DPH6: variants seen among roughly 807,000 people sequenced by gnomAD.
DPH6 encodes the protein diphthamine biosynthesis 6.
In DPH6, 33 loss-of-function variants were observed where a neutral mutation model predicts 38.2. The observed-to-expected ratio is 0.86, with a 90% CI of 0.65 to 1.15. The LOEUF (loss-of-function observed/expected upper bound fraction) is 1.15. Among genes scored for constraint, DPH6 ranks in the 50% most tolerant of loss-of-function variants. DPH6 has a pLI of 0.00. For missense variants in DPH6, 325 were observed against 320.0 expected (o/e 1.02, Z -0.12); for synonymous variants, 108 against 103.0 (o/e 1.05, Z -0.30).
chr15:35,333,252 G>A (rs2052341457), intron 3 of DPH6, among the ~76,000 whole-genome samples: 1 of 152,146 alleles, frequency 6.6e-6, no homozygotes, highest in African/African-American at 2.4e-5. Context: ...CAATGACCAC[G>A]TAAAATAACA....
At chr15:35,364,131 G>C (rs1369707476) in intron 3 of DPH6, among the ~76,000 whole-genome samples, 1 of 151,656 alleles carries the variant, frequency 6.6e-6, no homozygotes, top group Non-Finnish European at 1.5e-5. Flanking sequence ...ATCCTTTGGT[G>C]TGGATATTTT....
At position 35,221,703 on chromosome 15, in the gene DPH6, T is replaced by A. The variant is rs2051444211; in HGVS notation, n.201-1121A>T. The stretch of plus-strand genomic sequence containing the variant: ...TTCCTTCTATCCATACTAATCCCAT[T>A]ATCAAAGGGTAGCTTGGCTACCCCG... On this transcript the variant is annotated intron_variant and non_coding_transcript_variant, in intron 3 of 3. Coordinates refer to the DPH6 transcript ENST00000560386. 2.0e-5 allele frequency among the ~76,000 whole-genome samples: 3 copies of A among 152,212 alleles called. No homozygotes were observed. In the South Asian group the frequency reaches 6.2e-4, roughly 32 times the overall value.
chr15:35,381,685 T>C, intron 7 of DPH6, 137 bp downstream of exon 7: 1 of 686,008 alleles, frequency 1.5e-6, no homozygotes, highest in Non-Finnish European at 2.6e-6. Flanking sequence ...TTCACTGGTA[T>C]TAAACAAATT....
At chr15:35,387,454 T>C (rs912820354) in intron 6 of DPH6, among the ~76,000 whole-genome samples, 8 of 152,218 alleles carry the variant, frequency 5.3e-5, no homozygotes, top group African/African-American at 1.2e-4. Flanking sequence ...TTTCACGATA[T>C]TGATTCTTCC....
At chr15:35,238,799 T>A (rs1246007196) in intron 3 of DPH6, among the ~76,000 whole-genome samples, 1 of 151,652 alleles carries the variant, frequency 6.6e-6, no homozygotes, top group Non-Finnish European at 1.5e-5. Flanking sequence ...TTTAACTGAG[T>A]GATTAACCCT....
chr15:35,256,821 G>T (rs1281964979), intron 3 of DPH6, among the ~76,000 whole-genome samples: 5 of 152,158 alleles, frequency 3.3e-5, no homozygotes, highest in African/African-American at 1.2e-4. Flanking sequence ...TTAGTTCGGG[G>T]TCAATGAGCA....
At chr15:35,207,428 T>C in the DPH6 span, among the ~76,000 whole-genome samples, 3 of 152,144 alleles carry the variant, frequency 2.0e-5, no homozygotes, top group Non-Finnish European at 4.4e-5. Flanking sequence ...TGTACTCACT[T>C]AGCACCTCCA....
the DPH6 span, among the ~76,000 whole-genome samples, chr15:35,148,528 T>A: frequency 1.3e-5 from 2 of 152,212 alleles, no homozygotes; most frequent in Non-Finnish European, 2.9e-5. Flanking sequence ...TATTCACAAT[T>A]AGAAACCTAA....
the DPH6 span, among the ~76,000 whole-genome samples, chr15:35,164,118 A>C: frequency 6.6e-6 from 1 of 151,842 alleles, no homozygotes; most frequent in Non-Finnish European, 1.5e-5. Flanking sequence ...CTCACAGTAG[A>C]TGTAATTACT....
chr15:35,504,209 C>A (rs1186549141), intron 3 of DPH6, among the ~76,000 whole-genome samples: 1 of 151,980 alleles, frequency 6.6e-6, no homozygotes, highest in Admixed American at 6.6e-5. Context: ...AACTCCTCAG[C>A]AAGGCACACA....
chr15:35,209,695 T>C, the DPH6 span, among the ~76,000 whole-genome samples: 1 of 152,170 alleles, frequency 6.6e-6, no homozygotes, highest in African/African-American at 2.4e-5. Flanking sequence ...ACTTATTGCA[T>C]TGGGGAATTA....
At chr15:35,413,647 T>G (rs1358387898) in intron 5 of DPH6, among the ~76,000 whole-genome samples, 1 of 151,568 alleles carries the variant, frequency 6.6e-6, no homozygotes, top group East Asian at 1.9e-4. Context: ...CATTATTTGT[T>G]CTCAAATTTT....
chr15:35,177,688 C>G, the DPH6 span, among the ~76,000 whole-genome samples: 1 of 150,972 alleles, frequency 6.6e-6, no homozygotes, highest in Admixed American at 6.6e-5. Context: ...GCCTTTAATC[C>G]CAGCACTTTG....
At chr15:35,289,206 G>C (rs1159570067) in intron 3 of DPH6, among the ~76,000 whole-genome samples, 1 of 152,108 alleles carries the variant, frequency 6.6e-6, no homozygotes, top group Non-Finnish European at 1.5e-5. Flanking sequence ...AATTCCTCTG[G>C]GCTTCAGAAG....
chr15:35,515,309 A>AG (rs1268695425), intron 3 of DPH6, among the ~76,000 whole-genome samples: 1 of 152,152 alleles, frequency 6.6e-6, no homozygotes, highest in African/African-American at 2.4e-5. Flanking sequence ...AAAAGTTCAT[A>AG]GGGGCTGGGT....
intron 3 of DPH6, chr15:35,522,119 T>C: frequency 4.3e-6 from 7 of 1,612,994 alleles, no homozygotes; most frequent in Non-Finnish European, 5.9e-6. Context: ...GCAATCTCAC[T>C]GATAAAAGGA....
At chr15:35,316,301 A>G (rs1015627800) in intron 3 of DPH6, among the ~76,000 whole-genome samples, 1 of 152,220 alleles carries the variant, frequency 6.6e-6, no homozygotes, top group Non-Finnish European at 1.5e-5. Context: ...CATGTACCCC[A>G]AAACTATGGA....
At chr15:35,412,697 G>A (rs1285122746) in intron 5 of DPH6, among the ~76,000 whole-genome samples, 2 of 151,666 alleles carry the variant, frequency 1.3e-5, no homozygotes, top group East Asian at 3.9e-4. Context: ...AAATGTAAAT[G>A]TATATTACTA....
At chr15:35,421,975 A>C (rs1055952371) in intron 5 of DPH6, among the ~76,000 whole-genome samples, 6 of 152,070 alleles carry the variant, frequency 3.9e-5, no homozygotes, top group Non-Finnish European at 5.9e-5. Flanking sequence ...AACAGATTTT[A>C]GAGCAGCATA....
Sources: allele counts gnomAD v4.1 joint callset (sites outside exome capture counted in the v4.1 genomes callset), GRCh38; gene constraint gnomAD v4.1.1; transcripts MANE v1.5; gene names NCBI Gene and HGNC (gene_info 2026-07-23, HGNC 2026-07-21).